Variants in PTCSC3 observed in about 807,000 individuals in gnomAD.
The protein encoded by PTCSC3 is papillary thyroid carcinoma susceptibility candidate 3 (non-protein coding).
downstream of PTCSC3, chr14:36,136,044 C>T (rs1484968062): frequency 6.6e-6 from 1 of 152,162 alleles, no homozygotes; most frequent in Non-Finnish European, 1.5e-5. Flanking sequence ...AACTGAAAAA[C>T]TTGGAGTCTG....
chr14:36,167,589 C>T (rs1430802021), intron 1 of PTCSC3, among the ~76,000 whole-genome samples: 2 of 152,158 alleles, frequency 1.3e-5, no homozygotes, highest in African/African-American at 4.8e-5. Flanking sequence ...CCAAAGCTGC[C>T]TTCTTCCTCA....
At chr14:36,138,737 A>G (rs1209317977) in intron 3 of PTCSC3, among the ~76,000 whole-genome samples, 2 of 152,244 alleles carry the variant, frequency 1.3e-5, no homozygotes, top group East Asian at 3.8e-4. Context: ...TTATATAACT[A>G]CTTTGAAAAA....
chr14:36,152,899 GAAAA>G (rs34538222), intron 3 of PTCSC3, among the ~76,000 whole-genome samples: 1 of 146,276 alleles, frequency 6.8e-6, no homozygotes, highest in Admixed American at 6.9e-5. Flanking sequence ...ATCTCGAAAG[GAAAA>G]AAAAAAAGAA....
intron 1 of PTCSC3, among the ~76,000 whole-genome samples, chr14:36,169,754 T>C (rs568635670): frequency 1.2e-4 from 18 of 152,254 alleles, no homozygotes; most frequent in Admixed American, 1.1e-3. Flanking sequence ...GAGCTCTATG[T>C]CCATGGAAGG....
chr14:36,139,819 A>G (rs1881377895), intron 3 of PTCSC3, among the ~76,000 whole-genome samples: 1 of 152,222 alleles, frequency 6.6e-6, no homozygotes, highest in Non-Finnish European at 1.5e-5. Flanking sequence ...TTAATAAACC[A>G]ATATTGATAG....
intron 3 of PTCSC3, among the ~76,000 whole-genome samples, chr14:36,151,557 ATTATC>A (rs1220584269): frequency 1.3e-5 from 2 of 152,152 alleles, no homozygotes; most frequent in Non-Finnish European, 2.9e-5. Context: ...GTTCTGGCCT[ATTATC>A]TTATGATAAT....
chr14:36,162,089 C>T (rs1306658102), intron 2 of PTCSC3, among the ~76,000 whole-genome samples: 1 of 152,026 alleles, frequency 6.6e-6, no homozygotes, highest in East Asian at 1.9e-4. Context: ...AGGTCAACTT[C>T]AGACTGCTGT....
At chr14:36,160,824 A>G (rs968240523) in intron 2 of PTCSC3, among the ~76,000 whole-genome samples, 8 of 152,030 alleles carry the variant, frequency 5.3e-5, no homozygotes, top group Non-Finnish European at 2.9e-5. Flanking sequence ...GTGTTTTCCA[A>G]CTTGGTTTTA....
intron 3 of PTCSC3, among the ~76,000 whole-genome samples, chr14:36,140,477 C>T (rs983312979): frequency 1.3e-5 from 2 of 152,168 alleles, no homozygotes; most frequent in South Asian, 2.1e-4. Flanking sequence ...GATGCGAGGT[C>T]CTGTTGGTCC....
At chr14:36,135,010 G>T (rs148855849), downstream of PTCSC3, among the ~76,000 whole-genome samples, 1 of 152,136 alleles carries the variant, frequency 6.6e-6, no homozygotes, top group East Asian at 1.9e-4. Flanking sequence ...AATTTTGGCC[G>T]CATGTGAAAG....
At chr14:36,152,656 G>A (rs1039658476) in intron 3 of PTCSC3, among the ~76,000 whole-genome samples, 62 of 152,138 alleles carry the variant, frequency 4.1e-4, no homozygotes, top group African/African-American at 1.4e-3. Context: ...ACTTTGGGAG[G>A]TCGAGGCAGG....
chr14:36,175,803 A>G (rs1882271624), intron 1 of PTCSC3, among the ~76,000 whole-genome samples: 1 of 152,158 alleles, frequency 6.6e-6, no homozygotes, highest in South Asian at 2.1e-4. Context: ...TGTATTTGTA[A>G]TTTGCTTTGA....
intron 3 of PTCSC3, among the ~76,000 whole-genome samples, chr14:36,146,628 T>TG (rs1266267195): frequency 2.6e-5 from 4 of 152,284 alleles, no homozygotes; most frequent in African/African-American, 9.6e-5. Flanking sequence ...TTTGCCAGTC[T>TG]GTGTGTTTTA....
Position 36,146,627 on chromosome 14 carries a change from C to T in PTCSC3, n.322+7177G>A, listed in dbSNP as rs1319307539. Among the ~76,000 whole-genome samples, 227 of 152,316 alleles carry T rather than the reference C, an allele frequency of 1.5e-3. 1 individual carries two copies. The highest frequency in any genetic ancestry group is 5.3e-3 in the African/African-American group (222 of 41,530). On this transcript the variant is annotated intron_variant and non_coding_transcript_variant, in intron 3 of 3. Transcript: ENST00000556013. Reference sequence around the variant, plus strand: ...TTGACTCTTTATCCAATTTGCCAGTCTGTGTGTTTTAATTGGAGCATTTAG... The same window carrying T: ...TTGACTCTTTATCCAATTTGCCAGTTTGTGTGTTTTAATTGGAGCATTTAG...
intron 3 of PTCSC3, chr14:36,153,669 G>A (rs1224746696): frequency 1.3e-5 from 2 of 152,184 alleles, no homozygotes; most frequent in African/African-American, 4.8e-5. Context: ...ATTCGAGAAT[G>A]TCCATAGCAG....
At chr14:36,158,803 G>A (rs114893924) in intron 2 of PTCSC3, among the ~76,000 whole-genome samples, 1 of 152,054 alleles carries the variant, frequency 6.6e-6, no homozygotes, top group African/African-American at 2.4e-5. Context: ...TTTTTCTTTT[G>A]TTTGGAATAG....
intron 3 of PTCSC3, among the ~76,000 whole-genome samples, chr14:36,147,229 G>A (rs1160595294): frequency 5.9e-5 from 9 of 152,154 alleles, no homozygotes; most frequent in African/African-American, 7.2e-5. Flanking sequence ...GATTGGGGAA[G>A]TTCTCCTGGA....
At chr14:36,152,053 C>T (rs1466229316) in intron 3 of PTCSC3, among the ~76,000 whole-genome samples, 1 of 120,552 alleles carries the variant, frequency 8.3e-6, no homozygotes, top group African/African-American at 2.9e-5. Flanking sequence ...GTTGTGAGGA[C>T]AGGAATGATG....
chr14:36,167,779 G>A (rs558857962), intron 1 of PTCSC3, among the ~76,000 whole-genome samples: 24 of 152,210 alleles, frequency 1.6e-4, no homozygotes, highest in Admixed American at 9.2e-4. Context: ...TAGTCTGCCC[G>A]TCAGAGGGGA....
Sources: allele counts gnomAD v4.1 joint callset (sites outside exome capture counted in the v4.1 genomes callset), GRCh38; gene constraint gnomAD v4.1.1; transcripts MANE v1.5; gene names NCBI Gene and HGNC (gene_info 2026-07-23, HGNC 2026-07-21).